SLC30A6: variants seen among roughly 807,000 people sequenced by gnomAD.
SLC30A6 encodes the protein solute carrier family 30 member 6, also known as zinc transporter 6.
In SLC30A6, 55 loss-of-function variants were observed where a neutral mutation model predicts 63.0. That is an observed-to-expected ratio of 0.87 (90% confidence interval 0.70 to 1.09). SLC30A6 has a LOEUF of 1.09. SLC30A6 is among the 50% of genes least tolerant of loss of function. The pLI, the probability that SLC30A6 is intolerant of heterozygous loss-of-function variation, is 0.00. For synonymous variants in SLC30A6, 224 were observed against 186.1 expected (o/e 1.20, Z -1.66); for missense variants, 587 against 549.2 (o/e 1.07, Z -0.69).
At chr2:32,205,547 A>T (rs1208093337) in intron 11 of SLC30A6, among the ~76,000 whole-genome samples, 1 of 152,198 alleles carries the variant, frequency 6.6e-6, no homozygotes, top group Non-Finnish European at 1.5e-5. Context: ...TATAGTCAGA[A>T]CCTGATGAAA....
intron 10 of SLC30A6, among the ~76,000 whole-genome samples, chr2:32,199,607 C>G (rs1447374611): frequency 1.3e-5 from 2 of 152,086 alleles, no homozygotes; most frequent in East Asian, 3.8e-4. Flanking sequence ...TTATTGTTGA[C>G]TGTAGTAACC....
At chr2:32,200,948 A>G (rs1684239409) in intron 10 of SLC30A6, among the ~76,000 whole-genome samples, 1 of 152,152 alleles carries the variant, frequency 6.6e-6, no homozygotes, top group African/African-American at 2.4e-5. Flanking sequence ...CTAACCATCC[A>G]TCTATCTATT....
chr2:32,206,365 G>C (rs913616656), intron 11 of SLC30A6, among the ~76,000 whole-genome samples: 1 of 151,878 alleles, frequency 6.6e-6, no homozygotes, highest in Middle Eastern at 3.4e-3. Flanking sequence ...GGAGTGGCTT[G>C]AACCCGGGAG....
intron 5 of SLC30A6, among the ~76,000 whole-genome samples, chr2:32,188,712 AG>A (rs1683056334): frequency 6.6e-6 from 1 of 152,184 alleles, no homozygotes; most frequent in South Asian, 2.1e-4. Flanking sequence ...TCATAGAAGT[AG>A]GGACCCTGTC....
At chr2:32,213,403 C>T (rs914007404) in intron 13 of SLC30A6, among the ~76,000 whole-genome samples, 4 of 151,390 alleles carry the variant, frequency 2.6e-5, no homozygotes, top group Non-Finnish European at 4.4e-5. Flanking sequence ...TGTATTTGCC[C>T]ACTGTTGTAA....
At chr2:32,168,406 T>C (rs929443309) in intron 1 of SLC30A6, among the ~76,000 whole-genome samples, 76 of 148,884 alleles carry the variant, frequency 5.1e-4, no homozygotes, top group Non-Finnish European at 9.5e-4. Flanking sequence ...AACAGTGCCT[T>C]CTTAGAAAAT....
rs66665816 is a variant in SLC30A6, at chr2:32,215,518, T to TATATA, written c.886-4695_886-4694insATATA. Among the ~76,000 whole-genome samples, 80 of 93,282 alleles carry TATATA rather than the reference T, an allele frequency of 8.6e-4. 1 individual carries two copies. Among genetic ancestry groups the TATATA allele is most frequent in the African/African-American group, 3.3e-3 (68 of 20,712 alleles). The allele number at this position is 93,282 out of a possible 152,430, so 61.2% of individuals were successfully genotyped here. On this transcript the variant is annotated intron_variant, in intron 13 of 13. Coordinates refer to ENST00000282587, the MANE Select transcript of SLC30A6 (RefSeq NM_017964.5). ...CCATCTATTATATATATATATATAT[T>TATATA]TTTTTTTTTTTTTTAAGTTCTTATT... is the stretch of plus-strand genomic sequence containing the variant.
intron 13 of SLC30A6, among the ~76,000 whole-genome samples, chr2:32,212,224 T>TA (rs1486615112): frequency 6.6e-6 from 1 of 152,152 alleles, no homozygotes; most frequent in Non-Finnish European, 1.5e-5. Context: ...TTTCTTGTAT[T>TA]ACAATTGTCA....
At chr2:32,170,505 ACACTAG>A (rs1681103543) in intron 1 of SLC30A6, among the ~76,000 whole-genome samples, 1 of 152,066 alleles carries the variant, frequency 6.6e-6, no homozygotes, top group Non-Finnish European at 1.5e-5. Flanking sequence ...AACTAACTAT[ACACTAG>A]CAGGGGCCAG....
intron 5 of SLC30A6, among the ~76,000 whole-genome samples, chr2:32,191,796 G>A (rs777136549): frequency 6.6e-6 from 1 of 152,092 alleles, no homozygotes; most frequent in Non-Finnish European, 1.5e-5. Flanking sequence ...AGGCTGAGCA[G>A]CTGGGAGGAT....
At chr2:32,212,625 ACT>A (rs1475730174) in intron 13 of SLC30A6, among the ~76,000 whole-genome samples, 5 of 111,200 alleles carry the variant, frequency 4.5e-5, no homozygotes, top group Admixed American at 2.8e-4. Flanking sequence ...ACAGGGTCTC[ACT>A]CTGTCGCCAG....
intron 12 of SLC30A6, among the ~76,000 whole-genome samples, chr2:32,207,834 G>A (rs1173042678): frequency 6.7e-6 from 1 of 149,942 alleles, no homozygotes; most frequent in Non-Finnish European, 1.5e-5. Flanking sequence ...CCAAGCAGCT[G>A]GGATTATAGG....
At chr2:32,189,189 C>T (rs953094930) in intron 5 of SLC30A6, among the ~76,000 whole-genome samples, 4 of 151,812 alleles carry the variant, frequency 2.6e-5, no homozygotes, top group Non-Finnish European at 5.9e-5. Context: ...AATACCAAAC[C>T]GTTTTCCAGA....
chr2:32,175,384 T>C (rs111449521), intron 4 of SLC30A6, 23 bp downstream of exon 4: 20 of 1,604,732 alleles, frequency 1.2e-5, no homozygotes, highest in Middle Eastern at 1.8e-4. Flanking sequence ...GAAATCTTAA[T>C]GTTTTGGAGC....
chr2:32,209,160 A>C (rs907236500), intron 12 of SLC30A6, among the ~76,000 whole-genome samples: 1 of 152,236 alleles, frequency 6.6e-6, no homozygotes, highest in Non-Finnish European at 1.5e-5. Context: ...CTGATACCAC[A>C]AAGTGCTAGA....
rs1196722283 is a variant in SLC30A6, at chr2:32,197,331, TTTC to T, written c.497-7_497-5del. ...TCTTCTATATAGATAATTTAAGTATTTTCTTCTTAAAGCTGCTAGTACGAGCTG... is the reference window on the plus strand; with the variant it reads ...TCTTCTATATAGATAATTTAAGTATTTTCTTAAAGCTGCTAGTACGAGCTG... On this transcript the variant is annotated splice_polypyrimidine_tract_variant and intron_variant, in intron 8 of 13. Coordinates refer to ENST00000282587, the MANE Select transcript of SLC30A6 (RefSeq NM_017964.5). 3.7e-6 allele frequency: 6 copies of T among 1,607,216 alleles called. No individual in the cohort carries two copies. Among genetic ancestry groups the T allele is most frequent in the Non-Finnish European group, 5.1e-6 (6 of 1,176,738 alleles).
chr2:32,166,126 G>T (rs1376167800), intron 1 of SLC30A6, among the ~76,000 whole-genome samples: 2 of 152,208 alleles, frequency 1.3e-5, no homozygotes, highest in Admixed American at 6.5e-5. Flanking sequence ...TCTAGGCCCC[G>T]CTGCAGGCAG....
intron 13 of SLC30A6, among the ~76,000 whole-genome samples, chr2:32,219,458 A>C (rs1423922132): frequency 4.0e-5 from 6 of 149,960 alleles, no homozygotes; most frequent in African/African-American, 1.5e-4. Flanking sequence ...TTTTCAAGAT[A>C]GGATATCACT....
chr2:32,175,775 C>CGA (rs1573250249), intron 4 of SLC30A6, among the ~76,000 whole-genome samples: 2 of 151,990 alleles, frequency 1.3e-5, no homozygotes, highest in East Asian at 3.9e-4. Context: ...CAGGAGTTTA[C>CGA]GACCAGCCTG....
Sources: allele counts gnomAD v4.1 joint callset (sites outside exome capture counted in the v4.1 genomes callset), GRCh38; gene constraint gnomAD v4.1.1; transcripts MANE v1.5; gene names NCBI Gene and HGNC (gene_info 2026-07-23, HGNC 2026-07-21).